STXBP4: variants seen among roughly 807,000 people sequenced by gnomAD.
STXBP4 encodes the protein syntaxin-binding protein 4.
A neutral mutation model predicts 76.1 loss-of-function variants in STXBP4; 55 were observed. The ratio of observed to expected loss-of-function variants is 0.72; its 90% CI spans 0.58 to 0.91. The LOEUF (loss-of-function observed/expected upper bound fraction) is 0.91. Ranked by LOEUF, STXBP4 falls within the 40% of genes least tolerant of loss-of-function variation. STXBP4 has a pLI of 0.00. For missense variants in STXBP4, 618 were observed against 636.9 expected (o/e 0.97, Z 0.32); for synonymous variants, 201 against 220.2 (o/e 0.91, Z 0.77).
chr17:55,078,176 G>C lies in STXBP4; in HGVS notation c.1287G>C (p.Lys429Asn), dbSNP rs142759175. The C allele has an allele frequency of 2.4e-4, 394 of 1,609,988 alleles. No individual in the cohort carries two copies. Among genetic ancestry groups the C allele is most frequent in the South Asian group, 2.3e-3 (204 of 90,390 alleles). ...AAACTTTTGAGGCATCCACTGAAAA[G>C]CTTCTTCATTTTGTAGAGGTAAGTT... is the stretch of plus-strand genomic sequence containing the variant. ...ARKTFEASTE[K>N]LLHFVEAIQE... is the part of the protein sequence containing the mutation. The change falls in exon 14 of 18, where the codon AAG becomes AAC. Residue 429 changes from lysine to asparagine, a missense_variant. Transcript: ENST00000376352.
intron 8 of STXBP4, among the ~76,000 whole-genome samples, chr17:55,026,159 G>A (rs1220684004): frequency 6.6e-6 from 1 of 152,144 alleles, no homozygotes; most frequent in Non-Finnish European, 1.5e-5. Flanking sequence ...GAATCTATGA[G>A]CTTAATTATT....
chr17:55,202,942 C>T, the STXBP4 span, among the ~76,000 whole-genome samples: 1 of 152,122 alleles, frequency 6.6e-6, no homozygotes, highest in Admixed American at 6.5e-5. Context: ...CTCCAGAAAA[C>T]GATCATTGGA....
rs186296140 is a variant in STXBP4, at chr17:54,974,178, G to A, written c.-157+5363G>A. ...AGCTCCTGAATCCATTTAACGATGT[G>A]AAATACCTAACAATAATTCTGACAA... On this transcript the variant is annotated intron_variant, in intron 1 of 17. Coordinates refer to ENST00000376352, the MANE Select transcript of STXBP4 (RefSeq NM_178509.6). Among the ~76,000 whole-genome samples the A allele has an allele frequency of 2.0e-5, 3 of 152,244 alleles. No homozygotes were observed. In the East Asian group the frequency reaches 5.8e-4, roughly 29 times the overall value.
chr17:55,031,961 T>C (rs1393732326), intron 9 of STXBP4, among the ~76,000 whole-genome samples: 1 of 152,236 alleles, frequency 6.6e-6, no homozygotes, highest in Non-Finnish European at 1.5e-5. Context: ...TAAGCCTTTC[T>C]ACTATTGTGA....
chr17:54,974,668 C>T (rs546699245), intron 1 of STXBP4, among the ~76,000 whole-genome samples: 47 of 152,310 alleles, frequency 3.1e-4, no homozygotes, highest in African/African-American at 1.1e-3. Context: ...GGGCTTAGCC[C>T]AGGAGGGTTC....
chr17:55,058,692 G>T (rs2078962068), intron 12 of STXBP4, among the ~76,000 whole-genome samples: 1 of 152,024 alleles, frequency 6.6e-6, no homozygotes, highest in Admixed American at 6.6e-5. Context: ...TCTTATAGTC[G>T]ATGGGCATTT....
chr17:55,073,137 GT>G, intron 13 of STXBP4, 61 bp downstream of exon 13: 1 of 1,517,992 alleles, frequency 6.6e-7, no homozygotes, highest in Non-Finnish European at 9.0e-7. Context: ...CATGTATCCT[GT>G]TTTCATTTTC....
chr17:55,052,047 T>C (rs1420526), intron 12 of STXBP4, among the ~76,000 whole-genome samples: 41,377 of 151,860 alleles, frequency 0.27, 6,449 homozygotes, highest in East Asian at 0.5. Flanking sequence ...TCAGGGACTA[T>C]CTGTATATGT....
intron 3 of STXBP4, among the ~76,000 whole-genome samples, chr17:54,988,908 C>A (rs2077668205): frequency 6.6e-6 from 1 of 152,042 alleles, no homozygotes; most frequent in African/African-American, 2.4e-5. Flanking sequence ...ATTCAGTATA[C>A]CTGTGATACA....
chr17:55,068,360 C>A (rs1310501098), intron 12 of STXBP4, among the ~76,000 whole-genome samples: 1 of 152,100 alleles, frequency 6.6e-6, no homozygotes, highest in Non-Finnish European at 1.5e-5. Flanking sequence ...TACTGATGAA[C>A]TTAAAAATTG....
Position 54,986,127 on chromosome 17 carries a change from C to CT in STXBP4, c.-78-13dup. On this transcript the variant is annotated splice_polypyrimidine_tract_variant and intron_variant, in intron 2 of 17. Coordinates refer to ENST00000376352, the MANE Select transcript of STXBP4 (RefSeq NM_178509.6). ...CTAAGACCTGACAATTTATTTTCTA[C>CT]TTCTTCAATCCTAGGAAAAGAAGAA... 9.1e-7 allele frequency: 1 copy of CT among 1,093,982 alleles called. No individual in the cohort carries two copies. 67.8% of individuals were successfully genotyped at this position (1,093,982 alleles called of 1,614,324 possible). A position where few individuals can be genotyped will look rare whatever the true frequency, so the allele number is the denominator to read the frequency against.
At chr17:55,097,295 A>G (rs892706620) in intron 16 of STXBP4, among the ~76,000 whole-genome samples, 1 of 152,230 alleles carries the variant, frequency 6.6e-6, no homozygotes, top group South Asian at 2.1e-4. Context: ...CTTTTGCCCC[A>G]TTTATAAAAT....
At position 55,171,356 on chromosome 17, in the gene STXBP4, A is replaced by G. The variant is rs2080405186; in HGVS notation, c.*11445A>G. ...CCAAAGCACCCCTGGCCAATAGCTC[A>G]TCAAGATTTTGCTTAGATATTCTTA... On this transcript the variant is annotated 3_prime_UTR_variant, in exon 18 of 18. Transcript: ENST00000376352. 6.6e-6 allele frequency: 1 copy of G among 152,234 alleles called. No homozygotes were observed. The highest frequency in any genetic ancestry group is 2.1e-4 in the South Asian group (1 of 4,832). The allele number at this position is 152,234 out of a possible 1,614,324, so 9.4% of individuals were successfully genotyped here. A position where few individuals can be genotyped will look rare whatever the true frequency, so the allele number is the denominator to read the frequency against.
intron 9 of STXBP4, among the ~76,000 whole-genome samples, chr17:55,031,535 A>G (rs2078509473): frequency 1.3e-5 from 2 of 152,310 alleles, no homozygotes; most frequent in East Asian, 1.9e-4. Flanking sequence ...TTGCATAAAC[A>G]TTGCTTTAGT....
chr17:55,090,849 G>GTGTC (rs1475613455), intron 16 of STXBP4, among the ~76,000 whole-genome samples: 42 of 7,416 alleles, frequency 5.7e-3, no homozygotes, highest in Admixed American at 0.032. Context: ...GTGTGTGTGT[G>GTGTC]TGTGTCTGTG....
chr17:55,092,383 A>G (rs1339784680), intron 16 of STXBP4, among the ~76,000 whole-genome samples: 1 of 152,162 alleles, frequency 6.6e-6, no homozygotes, highest in African/African-American at 2.4e-5. Flanking sequence ...AAAAAGTCCT[A>G]ATTTCTCTCA....
At chr17:55,212,173 A>G in the STXBP4 span, among the ~76,000 whole-genome samples, 1 of 152,040 alleles carries the variant, frequency 6.6e-6, no homozygotes, top group Non-Finnish European at 1.5e-5. Context: ...CTAAAGTAAG[A>G]GTTCAAATCT....
chr17:55,194,384 C>T, the STXBP4 span, among the ~76,000 whole-genome samples: 4 of 152,024 alleles, frequency 2.6e-5, no homozygotes, highest in Non-Finnish European at 4.4e-5. Context: ...TATACATATA[C>T]ACAACACATA....
chr17:55,064,663 G>GCCCGGCTAATTTTTGTACTTTT (rs1278517754), intron 12 of STXBP4, among the ~76,000 whole-genome samples: 1 of 151,894 alleles, frequency 6.6e-6, no homozygotes, highest in Non-Finnish European at 1.5e-5. Flanking sequence ...CCGCCACCAT[G>GCCCGGCTAATTTTTGTACTTTT]CCCGGCTAAT....
Sources: gnomAD v4.1 joint callset for allele counts (sites outside exome capture counted in the v4.1 genomes callset) on GRCh38, gnomAD v4.1.1 for gene constraint, MANE v1.5 for transcripts, NCBI Gene and HGNC (gene_info 2026-07-23, HGNC 2026-07-21) for gene names.